Variants in CPA5 observed in about 807,000 individuals in gnomAD.
CPA5 encodes testicular tissue protein Li 32.
A neutral mutation model predicts 52.2 loss-of-function variants in CPA5; 38 were observed. The observed-to-expected ratio is 0.73, with a 90% CI of 0.56 to 0.95. The LOEUF (loss-of-function observed/expected upper bound fraction) is 0.95, where lower values mean the gene tolerates loss of function less well. CPA5 is among the 40% of genes least tolerant of loss of function. CPA5 has a pLI of 0.00. For synonymous variants in CPA5, 198 were observed against 213.7 expected, an observed-to-expected ratio of 0.93 and a Z score of 0.64; for missense variants, 519 against 566.7, an observed-to-expected ratio of 0.92 and a Z score of 0.86.
intron 5 of CPA5, among the ~76,000 whole-genome samples, chr7:130,351,442 C>T (rs1337382845): frequency 6.6e-6 from 1 of 152,222 alleles, no homozygotes; most frequent in African/African-American, 2.4e-5. Context: ...TGAGCCTCCC[C>T]CACTGGATTT....
downstream of CPA5, among the ~76,000 whole-genome samples, chr7:130,369,676 CGTGT>C (rs1391100446): frequency 1.3e-5 from 2 of 151,584 alleles, no homozygotes; most frequent in African/African-American, 4.8e-5. Context: ...TGTGCATGTG[CGTGT>C]GTGTGTCCGT....
intron 9 of CPA5, 136 bp from the exon 10 acceptor site, chr7:130,363,283 C>A: frequency 1.4e-6 from 1 of 693,382 alleles, no homozygotes; most frequent in Admixed American, 2.6e-5. Flanking sequence ...CCAGCCCCAT[C>A]CTGTCCTGGC....
intron 4 of CPA5, among the ~76,000 whole-genome samples, chr7:130,349,425 C>CA (rs1195528153): frequency 9.5e-5 from 14 of 147,596 alleles, no homozygotes; most frequent in Admixed American, 2.7e-4. Flanking sequence ...AACTCCATCT[C>CA]AAAAAAAAAA....
At chr7:130,347,908 C>A in intron 4 of CPA5, 61 bp downstream of exon 4, 2 of 1,335,808 alleles carry the variant, frequency 1.5e-6, no homozygotes, top group Non-Finnish European at 2.1e-6. Context: ...ACACATTTAG[C>A]TCCTTGTCCT....
At chr7:130,356,685 T>G (rs1554405275) in intron 5 of CPA5, among the ~76,000 whole-genome samples, 2 of 152,248 alleles carry the variant, frequency 1.3e-5, no homozygotes, top group African/African-American at 4.8e-5. Flanking sequence ...CTCCAAGCTC[T>G]TGTGTGGAAC....
chr7:130,346,249 G>C (rs1466365042), intron 2 of CPA5, 144 bp from the exon 3 acceptor site: 1 of 416,816 alleles, frequency 2.4e-6, no homozygotes. Context: ...AAAAGCTAAG[G>C]CCTGTCTTCC....
At chr7:130,361,023 G>A (rs782685938) in intron 6 of CPA5, 120 bp from the exon 7 acceptor site, 38 of 660,930 alleles carry the variant, frequency 5.7e-5, no homozygotes, top group Non-Finnish European at 9.5e-5. Context: ...GACCCTCGAG[G>A]GTCTAAATAC....
intron 10 of CPA5, among the ~76,000 whole-genome samples, chr7:130,365,354 C>G (rs544850442): frequency 6.6e-6 from 1 of 152,228 alleles, no homozygotes; most frequent in African/African-American, 2.4e-5. Context: ...TAAATTACCT[C>G]TTAAAGAAAA....
At chr7:130,374,573 T>C in the CPA5 span, among the ~76,000 whole-genome samples, 2 of 152,076 alleles carry the variant, frequency 1.3e-5, no homozygotes, top group Non-Finnish European at 2.9e-5. Context: ...GAACATACAA[T>C]ATAGAAAATA....
chr7:130,359,763 T>C, intron 6 of CPA5, 76 bp downstream of exon 6: 2 of 975,842 alleles, frequency 2.0e-6, no homozygotes, highest in Non-Finnish European at 3.2e-6. Flanking sequence ...AGTCAGAAAC[T>C]AGTGAAGGAC....
rs782226693 is a variant in CPA5 at position 130,362,420 on chromosome 7, C to A, written c.535-18C>A. Reference sequence around the variant, plus strand: ...TCTGAGTTCAAACCTCGGTTTGGGGCCCGATTCTTTTTCTCAGTTCAGCAC... The same window carrying A: ...TCTGAGTTCAAACCTCGGTTTGGGGACCGATTCTTTTTCTCAGTTCAGCAC... On this transcript the variant is annotated intron_variant, in intron 7 of 12. Coordinates refer to ENST00000474905, the MANE Select transcript of CPA5 (RefSeq NM_080385.5). 1.3e-6 allele frequency: 2 copies of A among 1,586,136 alleles called. No homozygotes were observed. The highest frequency in any genetic ancestry group is 1.3e-5 in the African/African-American group (1 of 74,690).
chr7:130,368,059 A>C, intron 12 of CPA5, 69 bp downstream of exon 12: 1 of 1,453,140 alleles, frequency 6.9e-7, no homozygotes, highest in Non-Finnish European at 9.7e-7. Flanking sequence ...GGGCAGTGCC[A>C]AGGATCTAGC....
Position 130,349,998 on chromosome 7 carries a change from C to A in CPA5, c.222C>A (p.Ala74=). ...AGGTGGACTTCTGGCGTGGCCCAGCCAGGCCCAGCCTCCCTGTGGATATGA... is the reference window on the plus strand; with the variant it reads ...AGGTGGACTTCTGGCGTGGCCCAGCAAGGCCCAGCCTCCCTGTGGATATGA... The part of the protein sequence containing the change: ...PQKVDFWRGP[A]RPSLPVDMRV... The change falls in exon 5 of 13, where the codon GCC becomes GCA. Residue 74 remains alanine (A), a synonymous_variant. Transcript: ENST00000474905. The A allele has an allele frequency of 6.2e-7, 1 of 1,613,706 alleles. No individual in the cohort carries two copies. The highest frequency in any genetic ancestry group is 8.5e-7 in the Non-Finnish European group (1 of 1,179,852).
intron 4 of CPA5, among the ~76,000 whole-genome samples, chr7:130,349,498 A>G (rs1329282712): frequency 6.6e-6 from 1 of 152,230 alleles, no homozygotes; most frequent in African/African-American, 2.4e-5. Context: ...AAAATCTAGT[A>G]TTTAATAGCA....
intron 12 of CPA5, among the ~76,000 whole-genome samples, 177 bp downstream of exon 12, chr7:130,368,167 C>T (rs1314038401): frequency 1.3e-5 from 2 of 152,244 alleles, no homozygotes; most frequent in Non-Finnish European, 2.9e-5. Flanking sequence ...GCTCCCAGTG[C>T]CTGGCTTACT....
intron 12 of CPA5, 32 bp from the exon 13 acceptor site, chr7:130,368,378 T>G (rs17164865): frequency 0.19 from 310,493 of 1,606,256 alleles, 31,607 homozygotes; most frequent in African/African-American, 0.21. Context: ...TTCTTCCTTT[T>G]GTGGGGCACA....
Position 130,359,636 on chromosome 7 carries a change from G to A in CPA5, c.381G>A (p.Leu127=), listed in dbSNP as rs1213664300. 9 of 1,583,930 alleles carry A rather than the reference G, an allele frequency of 5.7e-6. No individual in the cohort carries two copies. The Admixed American group carries it at 1.3e-4, about 22-fold the overall frequency. ...AGGCCATGGCGAAATCCCGCCGGCT[G>A]GAGCGCAGCACCAACAGCTTCAGTT... ...ERQAMAKSRR[L]ERSTNSFSYS... Residue 127 remains leucine, a synonymous_variant, in exon 6 of 13, where the codon CTG becomes CTA. Coordinates refer to ENST00000474905, the MANE Select transcript of CPA5 (RefSeq NM_080385.5).
intron 9 of CPA5, 126 bp downstream of exon 9, chr7:130,363,120 G>A: frequency 1.6e-6 from 1 of 641,170 alleles, no homozygotes; most frequent in Non-Finnish European, 2.7e-6. Context: ...GGGCAGGAGG[G>A]CTGCTCAGGT....
chr7:130,364,328 G>A (rs529636369), intron 10 of CPA5, among the ~76,000 whole-genome samples: 1 of 152,286 alleles, frequency 6.6e-6, no homozygotes, highest in South Asian at 2.1e-4. Context: ...GAGTAGCTGG[G>A]ATTGCAGGTG....
Sources: allele counts gnomAD v4.1 joint callset (sites outside exome capture counted in the v4.1 genomes callset), GRCh38; gene constraint gnomAD v4.1.1; transcripts MANE v1.5; gene names NCBI Gene and HGNC (gene_info 2026-07-23, HGNC 2026-07-21).